Variants in ANKRD18B observed in about 807,000 individuals in gnomAD.
ANKRD18B encodes ankyrin repeat domain 18B.
A neutral mutation model predicts 111.8 loss-of-function variants in ANKRD18B; 75 were observed. That is an observed-to-expected ratio of 0.67 (90% CI 0.56 to 0.81). The LOEUF (loss-of-function observed/expected upper bound fraction) is 0.81. Ranked by LOEUF, ANKRD18B falls within the 40% of genes least tolerant of loss-of-function variation. The probability of loss-of-function intolerance (pLI) is 0.00; values close to 1 mark genes in which losing one functional copy is unlikely to be tolerated. For synonymous variants in ANKRD18B, 356 were observed against 417.3 expected (o/e 0.85, Z 1.79); for missense variants, 1,038 against 1,225.5 (o/e 0.85, Z 2.28).
At chr9:33,543,630 A>C (rs1828315659) in intron 10 of ANKRD18B, among the ~76,000 whole-genome samples, 1 of 152,178 alleles carries the variant, frequency 6.6e-6, no homozygotes, top group African/African-American at 2.4e-5. Context: ...GAAAGGAGTC[A>C]TCATTCCCGG....
At chr9:33,573,224 G>T (rs1043599367), downstream of ANKRD18B, 45 of 985,344 alleles carry the variant, frequency 4.6e-5, no homozygotes, top group East Asian at 4.0e-3. Flanking sequence ...GGAAGCACAG[G>T]CGAGCTCTTC....
rs557309227 is a variant in ANKRD18B at position 33,548,363 on chromosome 9, A to G, written c.1575A>G (p.Arg525=). 6.5e-7 allele frequency: 1 copy of G among 1,550,158 alleles called. No individual in the cohort carries two copies. The highest frequency in any genetic ancestry group is 2.4e-5 in the East Asian group (1 of 40,906). Residue 525 remains arginine (R), a synonymous_variant, in exon 11 of 19, where the codon AGA becomes AGG. Coordinates refer to ENST00000684830, the MANE Select transcript of ANKRD18B (RefSeq NM_001393611.1). The part of the protein sequence containing the change: ...LVLWRADDVS[R]HETMGSNISQ... ...TATGGAGAGCAGATGATGTTTCTAG[A>G]CATGAAACAATGGGTTCTAATATTT... is the stretch of plus-strand genomic sequence containing the variant.
intron 14 of ANKRD18B, among the ~76,000 whole-genome samples, chr9:33,559,597 A>G (rs1828576735): frequency 6.6e-6 from 1 of 152,162 alleles, no homozygotes; most frequent in Non-Finnish European, 1.5e-5. Context: ...CAGTGCTTTA[A>G]GCAGTGACAG....
chr9:33,549,294 A>G (rs1276499887), intron 11 of ANKRD18B, among the ~76,000 whole-genome samples: 3 of 152,208 alleles, frequency 2.0e-5, no homozygotes, highest in African/African-American at 4.8e-5. Context: ...CAGCTTGGAA[A>G]CATGCTTTGT....
intron 12 of ANKRD18B, among the ~76,000 whole-genome samples, chr9:33,553,722 C>A (rs944500165): frequency 6.6e-6 from 1 of 152,158 alleles, no homozygotes; most frequent in African/African-American, 2.4e-5. Flanking sequence ...AAAGGAAATT[C>A]TTTAAAAGAA....
chr9:33,570,238 C>T (rs1273688696), intron 17 of ANKRD18B, among the ~76,000 whole-genome samples: 1 of 152,086 alleles, frequency 6.6e-6, no homozygotes, highest in Admixed American at 6.5e-5. Flanking sequence ...TATGTGGGAG[C>T]TACACATTAG....
intron 16 of ANKRD18B, 48 bp from the exon 17 acceptor site, chr9:33,568,623 T>A (rs1452348041): frequency 7.0e-7 from 1 of 1,436,346 alleles, no homozygotes; most frequent in East Asian, 2.6e-5. Context: ...TTAAGAATCA[T>A]TCAAGGTAAA....
chr9:33,573,616 A>G (rs897319531), downstream of ANKRD18B, among the ~76,000 whole-genome samples: 11 of 141,172 alleles, frequency 7.8e-5, no homozygotes, highest in African/African-American at 2.8e-4. Flanking sequence ...CCTGAGGCTG[A>G]CTCCCTCCCT....
At chr9:33,543,312 A>T (rs1367854836) in intron 10 of ANKRD18B, 57 bp downstream of exon 10, 5 of 1,414,602 alleles carry the variant, frequency 3.5e-6, no homozygotes, top group Non-Finnish European at 4.8e-6. Context: ...TTCTTTAATA[A>T]CATAGCATAG....
intron 5 of ANKRD18B, among the ~76,000 whole-genome samples, chr9:33,536,048 C>A (rs1321489021): frequency 6.6e-6 from 1 of 151,622 alleles, no homozygotes; most frequent in Non-Finnish European, 1.5e-5. Context: ...TTGGAGAGGA[C>A]CAAAAAGGTG....
downstream of ANKRD18B, chr9:33,573,259 A>G: frequency 1.0e-6 from 1 of 985,258 alleles, no homozygotes. Context: ...CTAGTCCCCA[A>G]CAGAAGAACC....
intron 1 of ANKRD18B, among the ~76,000 whole-genome samples, chr9:33,526,049 C>T (rs1479765443): frequency 6.6e-6 from 1 of 152,042 alleles, no homozygotes; most frequent in East Asian, 1.9e-4. Context: ...AGTGTTTCTC[C>T]TAAGAGAATT....
Position 33,566,310 on chromosome 9 carries a change from C to G in ANKRD18B, c.2552C>G (p.Ser851Cys). 4.5e-6 allele frequency: 7 copies of G among 1,562,258 alleles called. No individual in the cohort carries two copies. The highest frequency in any genetic ancestry group is 6.1e-6 in the Non-Finnish European group (7 of 1,150,936). The change falls in exon 15 of 19, where the codon TCT (serine) becomes TGT (cysteine). Residue 851 changes from serine (S) to cysteine (C), a missense_variant. Coordinates refer to ENST00000684830, the MANE Select transcript of ANKRD18B (RefSeq NM_001393611.1). ...GAAGTTCTTCATCAGGAGTTATTATCTATGGGAAAAGTACAAGAGAAATGT... is the reference window on the plus strand; with the variant it reads ...GAAGTTCTTCATCAGGAGTTATTATGTATGGGAAAAGTACAAGAGAAATGT... ...DNEVLHQELL[S>C]MGKVQEKCEK...
chr9:33,575,021 T>A (rs1828840970), downstream of ANKRD18B, among the ~76,000 whole-genome samples: 1 of 152,084 alleles, frequency 6.6e-6, no homozygotes, highest in African/African-American at 2.4e-5. Context: ...CTCAGGTGAG[T>A]GGGACCTGCT....
Position 33,550,460 on chromosome 9 carries a change from G to A in ANKRD18B, c.2098G>A (p.Val700Ile). The A allele has an allele frequency of 6.5e-7, 1 of 1,545,972 alleles. No homozygotes were observed. Among genetic ancestry groups the A allele is most frequent in the South Asian group, 1.2e-5 (1 of 82,172 alleles). Residue 700 changes from valine to isoleucine, a missense_variant, in exon 12 of 19, where the codon GTC becomes ATC. By Grantham distance (29) the Val-to-Ile change is conservative (BLOSUM62 3). Coordinates refer to ENST00000684830, the MANE Select transcript of ANKRD18B (RefSeq NM_001393611.1). ...TGTGAGAGAATTTCAAGAAGAACTG[G>A]TCGATCATCTTAAAAAATTTTCAAT... is the stretch of plus-strand genomic sequence containing the variant. The part of the protein sequence containing the change: ...VIVREFQEEL[V>I]DHLKKFSMSE...
chr9:33,547,970 G>A lies in ANKRD18B; in HGVS notation c.1182G>A (p.Glu394=). The A allele has an allele frequency of 6.9e-7, 1 of 1,454,918 alleles. No homozygotes were observed. The highest frequency in any genetic ancestry group is 9.1e-7 in the Non-Finnish European group (1 of 1,103,782). The allele number at this position is 1,454,918 out of a possible 1,614,324, so 90.1% of individuals were successfully genotyped here. A position where few individuals can be genotyped will look rare whatever the true frequency, so the allele number is the denominator to read the frequency against. The change falls in exon 11 of 19, where the codon GAG becomes GAA. Residue 394 remains glutamate (E), a synonymous_variant. Coordinates refer to ENST00000684830, the MANE Select transcript of ANKRD18B (RefSeq NM_001393611.1). ...DSQSYGKKKD[E]MFGNFMLKRD... Reference sequence around the variant, plus strand: ...AAAGTTATGGAAAAAAGAAGGATGAGATGTTTGGAAATTTTATGTTGAAGA... The same window carrying A: ...AAAGTTATGGAAAAAAGAAGGATGAAATGTTTGGAAATTTTATGTTGAAGA...
chr9:33,542,377 CTTT>C (rs34380811), intron 9 of ANKRD18B, among the ~76,000 whole-genome samples: 2 of 137,334 alleles, frequency 1.5e-5, no homozygotes, highest in South Asian at 4.7e-4. Context: ...GCCTTTTTTC[CTTT>C]TTTTTTTTTT....
At chr9:33,554,175 GAAGGAA>G (rs375724108) in intron 12 of ANKRD18B, among the ~76,000 whole-genome samples, 8 of 142,628 alleles carry the variant, frequency 5.6e-5, no homozygotes, top group African/African-American at 1.0e-4. Context: ...GAGAAAGAAA[GAAGGAA>G]AAAGAAAGAA....
At chr9:33,560,723 G>A (rs1413113937) in intron 14 of ANKRD18B, among the ~76,000 whole-genome samples, 2 of 152,136 alleles carry the variant, frequency 1.3e-5, no homozygotes, top group Non-Finnish European at 2.9e-5. Flanking sequence ...CACTTTGGGA[G>A]GCCGAGGCAG....
Sources: gnomAD v4.1 joint callset for allele counts (sites outside exome capture counted in the v4.1 genomes callset) on GRCh38, gnomAD v4.1.1 for gene constraint, MANE v1.5 for transcripts, NCBI Gene and HGNC (gene_info 2026-07-23, HGNC 2026-07-21) for gene names.